Variants in FARS2 observed in about 807,000 individuals in gnomAD.
FARS2 encodes the protein phenylalanyl-tRNA synthetase 2, mitochondrial.
FARS2 carries 40 observed loss-of-function variants against 46.4 expected under a neutral mutation model. The observed-to-expected ratio is 0.86, with a 90% CI of 0.67 to 1.12. The LOEUF (loss-of-function observed/expected upper bound fraction) is 1.12. FARS2 is among the 50% of genes most tolerant of loss of function. The probability of loss-of-function intolerance (pLI) is 0.00; values close to 1 mark genes in which losing one functional copy is unlikely to be tolerated. For synonymous variants in FARS2, 234 were observed against 214.9 expected (o/e 1.09, Z -0.78); for missense variants, 513 against 567.9 (o/e 0.90, Z 0.98).
chr6:5,418,989 CCTT>C (rs1334933580), intron 3 of FARS2, among the ~76,000 whole-genome samples: 1 of 152,078 alleles, frequency 6.6e-6, no homozygotes, highest in African/African-American at 2.4e-5. Flanking sequence ...TTTGGCTACT[CCTT>C]CTGGACCTTC....
intron 6 of FARS2, among the ~76,000 whole-genome samples, chr6:5,629,431 AG>A (rs1373052210): frequency 2.6e-5 from 4 of 152,194 alleles, no homozygotes; most frequent in African/African-American, 4.8e-5. Flanking sequence ...TAGAAATTTC[AG>A]GTAGAATGTA....
chr6:5,255,444 A>G, the FARS2 span, among the ~76,000 whole-genome samples: 4 of 152,348 alleles, frequency 2.6e-5, no homozygotes, highest in African/African-American at 7.2e-5. Flanking sequence ...TATTCTTCAT[A>G]AAAGTGTTAT....
chr6:5,256,899 C>G (rs1764703554), upstream of FARS2, among the ~76,000 whole-genome samples: 1 of 152,200 alleles, frequency 6.6e-6, no homozygotes, highest in Non-Finnish European at 1.5e-5. Context: ...CCATTCTAGA[C>G]TCTGCTTGGA....
At chr6:5,664,675 T>G (rs1778020022) in intron 6 of FARS2, among the ~76,000 whole-genome samples, 1 of 152,212 alleles carries the variant, frequency 6.6e-6, no homozygotes. Context: ...TCTGTCTCTC[T>G]TAGTAGGACA....
the FARS2 span, among the ~76,000 whole-genome samples, chr6:5,254,919 G>T: frequency 6.6e-6 from 1 of 151,988 alleles, no homozygotes; most frequent in Admixed American, 6.6e-5. Flanking sequence ...CTCTACTCAC[G>T]GCAGCAATTT....
At chr6:5,487,368 A>G (rs1766835125) in intron 4 of FARS2, among the ~76,000 whole-genome samples, 1 of 152,202 alleles carries the variant, frequency 6.6e-6, no homozygotes, top group Non-Finnish European at 1.5e-5. Flanking sequence ...ACTGACAAAA[A>G]CAGAATCAAA....
At chr6:5,469,428 TC>T (rs995622171) in intron 4 of FARS2, among the ~76,000 whole-genome samples, 1 of 152,176 alleles carries the variant, frequency 6.6e-6, no homozygotes, top group African/African-American at 2.4e-5. Flanking sequence ...CTGGATACCT[TC>T]TTGATTTTCT....
chr6:5,691,601 T>G (rs1338556542), intron 6 of FARS2, among the ~76,000 whole-genome samples: 1 of 152,174 alleles, frequency 6.6e-6, no homozygotes, highest in Non-Finnish European at 1.5e-5. Context: ...CTGCCCCTAC[T>G]GGGGGATGCC....
intron 6 of FARS2, among the ~76,000 whole-genome samples, chr6:5,723,538 C>T (rs1436299616): frequency 3.3e-5 from 5 of 152,202 alleles, no homozygotes; most frequent in African/African-American, 1.2e-4. Context: ...CTGTGAACCG[C>T]TGTCACAAGC....
At chr6:5,433,186 G>C (rs1475175347) in intron 4 of FARS2, among the ~76,000 whole-genome samples, 1 of 151,914 alleles carries the variant, frequency 6.6e-6, no homozygotes, top group Non-Finnish European at 1.5e-5. Context: ...TGTCTCTTTA[G>C]GCAGGGTTCA....
intron 5 of FARS2, among the ~76,000 whole-genome samples, chr6:5,580,126 C>G (rs1773238626): frequency 6.6e-6 from 1 of 151,538 alleles, no homozygotes; most frequent in Non-Finnish European, 1.5e-5. Context: ...TCCATCTCCA[C>G]TAAAAATACA....
chr6:5,479,974 A>G (rs1184147448), intron 4 of FARS2, among the ~76,000 whole-genome samples: 2 of 152,252 alleles, frequency 1.3e-5, no homozygotes, highest in Non-Finnish European at 2.9e-5. Flanking sequence ...CCCTTCTGTC[A>G]TGTCTGTGTC....
intron 6 of FARS2, among the ~76,000 whole-genome samples, chr6:5,689,195 A>G (rs887637120): frequency 2.6e-5 from 4 of 151,868 alleles, no homozygotes; most frequent in African/African-American, 9.7e-5. Flanking sequence ...TTGTGTCTCT[A>G]TTTCCTTGAG....
chr6:5,278,294 TAGTG>T (rs1473384885), intron 1 of FARS2, among the ~76,000 whole-genome samples: 1 of 152,200 alleles, frequency 6.6e-6, no homozygotes, highest in Non-Finnish European at 1.5e-5. Context: ...ATATTCTCAT[TAGTG>T]CGCTTTGGTT....
At chr6:5,385,405 GTTTCT>G (rs1760051848) in intron 2 of FARS2, among the ~76,000 whole-genome samples, 1 of 149,662 alleles carries the variant, frequency 6.7e-6, no homozygotes, top group Admixed American at 6.7e-5. Context: ...AGGCTTGGGA[GTTTCT>G]TTTCTTTTTT....
chr6:5,385,445 C>T (rs1456095543), intron 2 of FARS2, among the ~76,000 whole-genome samples: 9 of 144,950 alleles, frequency 6.2e-5, no homozygotes, highest in South Asian at 4.4e-4. Flanking sequence ...TTTTTTGAGA[C>T]GGGGTCTTGC....
intron 1 of FARS2, 68 bp from the exon 2 acceptor site, chr6:5,368,482 T>TCTCGGTGGTC: frequency 7.2e-7 from 1 of 1,397,338 alleles, no homozygotes; most frequent in Admixed American, 2.2e-5. Flanking sequence ...TGGTGGGAGA[T>TCTCGGTGGTC]GCAAAGAACA....
At chr6:5,561,097 C>T (rs767052042) in intron 5 of FARS2, among the ~76,000 whole-genome samples, 37 of 152,114 alleles carry the variant, frequency 2.4e-4, no homozygotes, top group East Asian at 5.8e-4. Flanking sequence ...TGCCACTGCA[C>T]GCCAGCCTGG....
chr6:5,525,879 A>C (rs1405548905), intron 4 of FARS2, among the ~76,000 whole-genome samples: 2 of 152,246 alleles, frequency 1.3e-5, no homozygotes, highest in African/African-American at 4.8e-5. Flanking sequence ...AGATGCTCTA[A>C]CAGGAAGACT....
Sources: allele counts gnomAD v4.1 joint callset (sites outside exome capture counted in the v4.1 genomes callset), GRCh38; gene constraint gnomAD v4.1.1; transcripts MANE v1.5; gene names NCBI Gene and HGNC (gene_info 2026-07-23, HGNC 2026-07-21).